NDUFA5: variants seen among roughly 807,000 people sequenced by gnomAD.
The protein encoded by NDUFA5 is NADH dehydrogenase [ubiquinone] 1 alpha subcomplex subunit 5.
A neutral mutation model predicts 19.8 loss-of-function variants in NDUFA5; 11 were observed. That is an observed-to-expected ratio of 0.56 (90% CI 0.35 to 0.92). NDUFA5 has a LOEUF of 0.92. NDUFA5 is among the 40% of genes least tolerant of loss of function. The probability of loss-of-function intolerance (pLI) is 0.01; values close to 1 mark genes in which losing one functional copy is unlikely to be tolerated. For synonymous variants in NDUFA5, 47 were observed against 46.8 expected (o/e 1.00, Z -0.01); for missense variants, 109 against 134.2 (o/e 0.81, Z 0.93).
the NDUFA5 span, among the ~76,000 whole-genome samples, chr7:123,567,608 C>T: frequency 6.6e-6 from 1 of 152,130 alleles, no homozygotes; most frequent in Non-Finnish European, 1.5e-5. Context: ...CTGGAGCGCT[C>T]CTCCACAGCC....
the NDUFA5 span, among the ~76,000 whole-genome samples, chr7:123,593,570 CT>C: frequency 8.6e-5 from 13 of 151,398 alleles, no homozygotes; most frequent in African/African-American, 2.7e-4. Context: ...GTTGAAAATT[CT>C]TTTTTTTTCT....
chr7:123,568,030 T>C, the NDUFA5 span, among the ~76,000 whole-genome samples: 1 of 152,172 alleles, frequency 6.6e-6, no homozygotes, highest in Non-Finnish European at 1.5e-5. Flanking sequence ...TTCAGATATG[T>C]TGATTTTCAG....
At chr7:123,545,762 A>AAC (rs1798110397) in intron 3 of NDUFA5, 86 bp from the exon 4 acceptor site, 1 of 854,918 alleles carries the variant, frequency 1.2e-6, no homozygotes, top group Non-Finnish European at 1.8e-6. Flanking sequence ...CCTATATAAA[A>AAC]ACACTTAAAA....
the NDUFA5 span, among the ~76,000 whole-genome samples, chr7:123,580,458 G>C: frequency 6.6e-6 from 1 of 151,998 alleles, no homozygotes; most frequent in Non-Finnish European, 1.5e-5. Flanking sequence ...GCTCAGGGTA[G>C]TTATGTGGCC....
At chr7:123,557,096 A>G in intron 2 of NDUFA5, 1 of 593,062 alleles carries the variant, frequency 1.7e-6, no homozygotes, top group South Asian at 1.5e-5. Context: ...AGGCAAGGAG[A>G]AAAGATGGAA....
chr7:123,587,335 T>C, the NDUFA5 span, among the ~76,000 whole-genome samples: 36 of 151,708 alleles, frequency 2.4e-4, no homozygotes, highest in Admixed American at 6.6e-4. Flanking sequence ...TAAAATTTAT[T>C]TTTCTGATAT....
At chr7:123,564,612 TTGTG>T in the NDUFA5 span, among the ~76,000 whole-genome samples, 1 of 151,924 alleles carries the variant, frequency 6.6e-6, no homozygotes, top group African/African-American at 2.4e-5. Flanking sequence ...ATATATCCTA[TTGTG>T]TGTGTGTGTA....
chr7:123,557,896 T>C (rs1798626733), upstream of NDUFA5: 1 of 1,598,780 alleles, frequency 6.3e-7, no homozygotes, highest in Non-Finnish European at 8.5e-7. Flanking sequence ...TGGAAACAGC[T>C]TAGCTCCACC....
chr7:123,568,442 C>A, the NDUFA5 span, among the ~76,000 whole-genome samples: 3 of 151,810 alleles, frequency 2.0e-5, no homozygotes, highest in Admixed American at 2.0e-4. Context: ...ATTGCTTGAA[C>A]CCGGGAGGGT....
In NDUFA5 at chr7:123,538,702, G is replaced by A. The variant is rs1056117161; in HGVS notation, c.*3417C>T. ...ACCACGCCTCCCTACTGAACACTTAGTTTTAATGGGAAGACTGCACTCAGC... is the reference window on the plus strand; with the variant it reads ...ACCACGCCTCCCTACTGAACACTTAATTTTAATGGGAAGACTGCACTCAGC... On this transcript the variant is annotated 3_prime_UTR_variant, in exon 5 of 5. Transcript: ENST00000355749. 6.6e-6 allele frequency: 1 copy of A among 152,118 alleles called. No individual in the cohort carries two copies. Among genetic ancestry groups the A allele is most frequent in the African/African-American group, 2.4e-5 (1 of 41,424 alleles). 9.4% of individuals were successfully genotyped at this position (152,118 alleles called of 1,614,324 possible).
the NDUFA5 span, among the ~76,000 whole-genome samples, chr7:123,572,406 T>G: frequency 6.6e-6 from 1 of 152,036 alleles, no homozygotes; most frequent in African/African-American, 2.4e-5. Context: ...CCGAAAGTAC[T>G]GGGATTACAG....
chr7:123,561,904 C>T (rs1798693814), upstream of NDUFA5, among the ~76,000 whole-genome samples: 1 of 151,722 alleles, frequency 6.6e-6, no homozygotes, highest in African/African-American at 2.4e-5. Flanking sequence ...CCATGAATCA[C>T]CAAATCTTTT....
chr7:123,550,797 G>A (rs1335460978), intron 2 of NDUFA5, among the ~76,000 whole-genome samples: 1 of 151,164 alleles, frequency 6.6e-6, no homozygotes, highest in African/African-American at 2.4e-5. Flanking sequence ...ATATAAACAT[G>A]GGAACATTCT....
chr7:123,592,271 G>A, the NDUFA5 span, among the ~76,000 whole-genome samples: 23 of 151,366 alleles, frequency 1.5e-4, no homozygotes, highest in Admixed American at 1.3e-3. Flanking sequence ...TTGATTTTTT[G>A]TGTCTCTGTC....
At chr7:123,565,808 G>A in the NDUFA5 span, among the ~76,000 whole-genome samples, 2 of 152,168 alleles carry the variant, frequency 1.3e-5, no homozygotes. Context: ...CCTGAGGTCA[G>A]GAGTTTGAGA....
chr7:123,553,082 A>G (rs7792671), intron 2 of NDUFA5, among the ~76,000 whole-genome samples: 12,218 of 152,284 alleles, frequency 0.08, 562 homozygotes, highest in African/African-American at 0.12. Context: ...AAATATACTC[A>G]GTACTTCCAT....
At chr7:123,561,884 C>T (rs530404732), upstream of NDUFA5, among the ~76,000 whole-genome samples, 6 of 151,828 alleles carry the variant, frequency 4.0e-5, no homozygotes, top group Admixed American at 2.6e-4. Flanking sequence ...GCGTGGCCAC[C>T]GCACCTGGCC....
At chr7:123,581,473 G>A in the NDUFA5 span, among the ~76,000 whole-genome samples, 1 of 150,944 alleles carries the variant, frequency 6.6e-6, no homozygotes, top group Non-Finnish European at 1.5e-5. Flanking sequence ...AGAGAAAGGG[G>A]ATCCCATCCA....
At chr7:123,572,390 C>T in the NDUFA5 span, among the ~76,000 whole-genome samples, 14 of 152,060 alleles carry the variant, frequency 9.2e-5, no homozygotes, top group Non-Finnish European at 1.5e-5. Context: ...CCGCCCGCCT[C>T]AGCCTCCGAA....
Sources: gnomAD v4.1 joint callset for allele counts (sites outside exome capture counted in the v4.1 genomes callset) on GRCh38, gnomAD v4.1.1 for gene constraint, MANE v1.5 for transcripts, NCBI Gene and HGNC (gene_info 2026-07-23, HGNC 2026-07-21) for gene names.